Variants in GRHL3 observed in about 807,000 individuals in gnomAD.
GRHL3 encodes the protein grainyhead like transcription factor 3.
GRHL3 carries 20 observed loss-of-function variants against 70.3 expected under a neutral mutation model. The observed-to-expected ratio is 0.28, with a 90% confidence interval of 0.20 to 0.41. GRHL3 has a LOEUF of 0.41. Ranked by LOEUF, GRHL3 falls within the 10% of genes least tolerant of loss-of-function variation. The probability of loss-of-function intolerance (pLI) is 1.00; values close to 1 mark genes in which losing one functional copy is unlikely to be tolerated. For missense variants in GRHL3, 637 were observed against 762.3 expected, an observed-to-expected ratio of 0.84 and a Z score of 1.94; for synonymous variants, 299 against 299.9, an observed-to-expected ratio of 1.00 and a Z score of 0.03.
chr1:24,331,584 C>A lies in GRHL3; in HGVS notation c.176C>A (p.Ala59Asp). The stretch of plus-strand genomic sequence containing the variant: ...AATGGAGATGATGACAGTGTTGCGG[C>A]CTTGAGCTTCCTCTATGATTACTAC... ...RVNGDDDSVA[A>D]LSFLYDYYMG... Residue 59 changes from alanine (A) to aspartate (D), a missense_variant, in exon 2 of 16, where the codon GCC becomes GAC. Around this residue, in one of 2 missense-constraint regions of GRHL3, gnomAD observed 250 missense variants for 248.6 expected, o/e 1.01. Coordinates refer to ENST00000361548, the MANE Select transcript of GRHL3 (RefSeq NM_198173.3). 1.2e-6 allele frequency: 2 copies of A among 1,613,886 alleles called. No homozygotes were observed. Among genetic ancestry groups the A allele is most frequent in the Non-Finnish European group, 1.7e-6 (2 of 1,179,880 alleles).
chr1:24,349,001 C>A (rs1640398995), intron 14 of GRHL3, among the ~76,000 whole-genome samples: 1 of 152,238 alleles, frequency 6.6e-6, no homozygotes. Flanking sequence ...GGGCTGAGCC[C>A]TTTACACAAT....
In GRHL3 at chr1:24,342,671, C is replaced by T; in HGVS notation, c.1207-23C>T. 6.2e-7 allele frequency: 1 copy of T among 1,610,690 alleles called. No homozygotes were observed. Among genetic ancestry groups the T allele is most frequent in the Non-Finnish European group, 8.5e-7 (1 of 1,176,834 alleles). ...CTAGCCCCTCCCAGGCCCTTGGTGA[C>T]CCTCTCTCCTTCTCCCCTGCAGGGA... On this transcript the variant is annotated intron_variant, in intron 9 of 15. Transcript: ENST00000361548. The surrounding 1 kb of genome is among the most constrained non-coding windows in gnomAD (Gnocchi z 4.8).
chr1:24,361,026 C>A, intron 15 of GRHL3: 1 of 1,609,150 alleles, frequency 6.2e-7, no homozygotes, highest in Non-Finnish European at 8.5e-7. Context: ...CAGAGAAGTT[C>A]AGGATGGGGT....
chr1:24,343,059 G>T, intron 11 of GRHL3, 34 bp downstream of exon 11: 1 of 1,613,238 alleles, frequency 6.2e-7, no homozygotes, highest in Non-Finnish European at 8.5e-7. Flanking sequence ...GGAAGGAGCC[G>T]AGAGAGGGTC....
rs558614530 is a variant in GRHL3, at chr1:24,324,310, A to G, written c.17+4742A>G. Among the ~76,000 whole-genome samples, 13 of 152,300 alleles carry G rather than the reference A, an allele frequency of 8.5e-5. No homozygotes were observed. In the South Asian group the frequency reaches 2.3e-3, roughly 27 times the overall value. The stretch of plus-strand genomic sequence containing the variant: ...GTCTGCTGCAGCCTGACCACCGTCA[A>G]CTTGCCCACCTGGGTCCTGACGATG... On this transcript the variant is annotated intron_variant, in intron 1 of 15. Transcript: ENST00000361548.
chr1:24,332,088 T>C (rs958740932), intron 2 of GRHL3, among the ~76,000 whole-genome samples: 2 of 152,268 alleles, frequency 1.3e-5, no homozygotes, highest in South Asian at 2.1e-4. Flanking sequence ...AACACTCTCA[T>C]ACCCCACCAT....
downstream of GRHL3, chr1:24,355,430 G>C (rs1220281666): frequency 1.3e-5 from 2 of 152,336 alleles, no homozygotes; most frequent in East Asian, 3.9e-4. Flanking sequence ...GCGGAGAACG[G>C]GTTGCCCTGG....
Position 24,321,119 on chromosome 1 carries a change from T to C in GRHL3, c.17+1551T>C, listed in dbSNP as rs1041502266. Among the ~76,000 whole-genome samples, 5 of 152,248 alleles carry C rather than the reference T, an allele frequency of 3.3e-5. No homozygotes were observed. The highest frequency in any genetic ancestry group is 7.2e-5 in the African/African-American group (3 of 41,470). ...GTGTCTCCATCCCACTTAAATTTGC[T>C]GGCTAAAACTGCGGAGGCTACAGAC... On this transcript the variant is annotated intron_variant, in intron 1 of 15. Coordinates refer to ENST00000361548, the MANE Select transcript of GRHL3 (RefSeq NM_198173.3). This position sits in a 1 kb window ranked among gnomAD's most constrained non-coding sequence, Gnocchi z 4.0.
chr1:24,349,281 C>A (rs55933539), intron 14 of GRHL3, among the ~76,000 whole-genome samples: 2,540 of 152,310 alleles, frequency 0.017, 36 homozygotes, highest in African/African-American at 0.04. Flanking sequence ...GAAGTAAGTT[C>A]CAACATTTTC....
chr1:24,342,007 A>C lies in GRHL3; in HGVS notation c.1048-108A>C. 1 of 1,059,400 alleles carries C rather than the reference A, an allele frequency of 9.4e-7. No homozygotes were observed. Among genetic ancestry groups the C allele is most frequent in the Admixed American group, 2.3e-5 (1 of 42,824 alleles). 65.6% of individuals were successfully genotyped at this position (1,059,400 alleles called of 1,614,324 possible). A position where few individuals can be genotyped will look rare whatever the true frequency, so the allele number is the denominator to read the frequency against. On this transcript the variant is annotated intron_variant, in intron 8 of 15. Transcript: ENST00000361548. The surrounding 1 kb of genome is among the most constrained non-coding windows in gnomAD (Gnocchi z 4.8). ...GCCTTCTAGGGGCCTAGTGAGGCTT[A>C]AGGGTGAGCAGCAGGCACACAGAAA...
At chr1:24,335,907 C>A (rs1035185129) in intron 3 of GRHL3, among the ~76,000 whole-genome samples, 1 of 152,122 alleles carries the variant, frequency 6.6e-6, no homozygotes, top group African/African-American at 2.4e-5. Flanking sequence ...TTAAAAATAT[C>A]ATTAGCTCTT....
chr1:24,319,696 G>T, intron 1 of GRHL3, 128 bp downstream of exon 1: 9 of 1,596,436 alleles, frequency 5.6e-6, no homozygotes, highest in African/African-American at 1.3e-5. Context: ...AAATGAATGG[G>T]CTGACGATCT....
At chr1:24,336,864 T>G in intron 4 of GRHL3, 37 bp downstream of exon 4, 1 of 1,464,696 alleles carries the variant, frequency 6.8e-7, no homozygotes. Flanking sequence ...AGCATAGATA[T>G]GTGTGTGCAT....
Position 24,331,592 on chromosome 1 carries a change from T to C in GRHL3, c.184T>C (p.Phe62Leu), listed in dbSNP as rs772495652. 6.2e-7 allele frequency: 1 copy of C among 1,613,724 alleles called. No homozygotes were observed. Among genetic ancestry groups the C allele is most frequent in the Non-Finnish European group, 8.5e-7 (1 of 1,179,806 alleles). The change falls in exon 2 of 16, where the codon TTC (phenylalanine) becomes CTC (leucine). Residue 62 changes from phenylalanine (F) to leucine (L), a missense_variant. Transcript: ENST00000361548. ...TGATGACAGTGTTGCGGCCTTGAGC[T>C]TCCTCTATGATTACTACATGGTACG... Reference protein sequence around the residue: ...GDDDSVAALSFLYDYYMGPKE... With the variant: ...GDDDSVAALSLLYDYYMGPKE...
intron 1 of GRHL3, among the ~76,000 whole-genome samples, chr1:24,323,460 C>T (rs1273968995): frequency 1.1e-4 from 16 of 152,194 alleles, no homozygotes; most frequent in African/African-American, 3.9e-4. Context: ...TTCCCAAATC[C>T]ACTACTGACC....
At chr1:24,356,153 C>A (rs904096130), downstream of GRHL3, among the ~76,000 whole-genome samples, 1 of 152,296 alleles carries the variant, frequency 6.6e-6, no homozygotes, top group Middle Eastern at 3.4e-3. Flanking sequence ...CTCGCCTCAG[C>A]CTCCCAAAGT....
chr1:24,347,378 T>G lies in GRHL3; in HGVS notation c.1544-90T>G, dbSNP rs1640330951. The stretch of plus-strand genomic sequence containing the variant: ...GGCAAAGACCCGCAGCAGAAGTCAA[T>G]CTTCAAGTAACGTTTTCAGATTCCC... On this transcript the variant is annotated intron_variant, in intron 13 of 15. Coordinates refer to ENST00000361548, the MANE Select transcript of GRHL3 (RefSeq NM_198173.3). The G allele has an allele frequency of 2.6e-6, 3 of 1,169,858 alleles. No individual in the cohort carries two copies. In the Admixed American group the frequency reaches 5.1e-5, roughly 20 times the overall value. The allele number at this position is 1,169,858 out of a possible 1,614,324, so 72.5% of individuals were successfully genotyped here.
chr1:24,324,111 AC>A (rs1639304933), intron 1 of GRHL3, among the ~76,000 whole-genome samples: 1 of 152,182 alleles, frequency 6.6e-6, no homozygotes, highest in South Asian at 2.1e-4. Context: ...CTTCTTTCAC[AC>A]CTCAGTTGAA....
In GRHL3 at chr1:24,331,370, A is replaced by G. The variant is rs2486669; in HGVS notation, c.18-56A>G. Reference sequence around the variant, plus strand: ...CCTGGGCGTTGGCCTGCGGCTGCCCATTCACGGACCTTCCTCTGGGATAGC... The same window carrying G: ...CCTGGGCGTTGGCCTGCGGCTGCCCGTTCACGGACCTTCCTCTGGGATAGC... On this transcript the variant is annotated intron_variant, in intron 1 of 15. Coordinates refer to ENST00000361548, the MANE Select transcript of GRHL3 (RefSeq NM_198173.3). 260,177 of 1,503,844 alleles carry G rather than the reference A, an allele frequency of 0.17. 23,854 individuals carry two copies. The highest frequency in any genetic ancestry group is 0.31 in the African/African-American group (22,508 of 71,878). 93.2% of individuals were successfully genotyped at this position (1,503,844 alleles called of 1,614,324 possible).
Sources: allele counts gnomAD v4.1 joint callset (sites outside exome capture counted in the v4.1 genomes callset), GRCh38; gene constraint gnomAD v4.1.1; regional missense constraint gnomAD v4.1.1; non-coding constraint Gnocchi (gnomAD v3.1); transcripts MANE v1.5; gene names NCBI Gene and HGNC (gene_info 2026-07-23, HGNC 2026-07-21).